Variants in HTR4 observed in about 807,000 individuals in gnomAD.
HTR4 encodes 5-hydroxytryptamine receptor 4, also known as 5-hydroxytryptamine (serotonin) receptor 4, G protein-coupled.
HTR4 carries 16 observed loss-of-function variants against 36.8 expected under a neutral mutation model. That is an observed-to-expected ratio of 0.43 (90% CI 0.29 to 0.66). HTR4 has a LOEUF of 0.66. HTR4 is among the 30% of genes least tolerant of loss of function. HTR4 has a pLI of 0.13. For missense variants in HTR4, 438 were observed against 490.9 expected, an observed-to-expected ratio of 0.89 and a Z score of 1.02; for synonymous variants, 189 against 185.1, an observed-to-expected ratio of 1.02 and a Z score of -0.17.
intron 6 of HTR4, among the ~76,000 whole-genome samples, chr5:148,504,711 T>G (rs976463349): frequency 4.6e-5 from 7 of 152,050 alleles, no homozygotes; most frequent in African/African-American, 1.7e-4. Flanking sequence ...AGGAGCTGGT[T>G]TTTTGAAAAG....
rs1261949528 is a variant in HTR4 at position 148,455,272 on chromosome 5, C to T, written c.1077-4000G>A. Among the ~76,000 whole-genome samples, 3 of 152,104 alleles carry T rather than the reference C, an allele frequency of 2.0e-5. No individual in the cohort carries two copies. In the East Asian group the frequency reaches 5.8e-4, roughly 29 times the overall value. On this transcript the variant is annotated intron_variant, in intron 5 of 5. Transcript: ENST00000521530. ...CTCAGAACACACTCCTGAACCTTTG[C>T]CCTGTTCTATGGCTAATAGATCACT...
intron 6 of HTR4, among the ~76,000 whole-genome samples, chr5:148,497,934 A>G (rs1269778283): frequency 1.3e-5 from 2 of 152,248 alleles, no homozygotes; most frequent in African/African-American, 2.4e-5. Flanking sequence ...TGGTGTCATC[A>G]TTCAACCAAA....
intron 4 of HTR4, among the ~76,000 whole-genome samples, chr5:148,528,808 C>T (rs997743199): frequency 3.3e-5 from 5 of 151,934 alleles, no homozygotes; most frequent in Admixed American, 2.0e-4. Context: ...ATTAAATTTG[C>T]AAGTTCTTTG....
chr5:148,650,664 A>AAC (rs1754008542), intron 1 of HTR4, among the ~76,000 whole-genome samples: 1 of 152,096 alleles, frequency 6.6e-6, no homozygotes, highest in African/African-American at 2.4e-5. Flanking sequence ...GGTATAATTC[A>AAC]CTGTTCCTTC....
At chr5:148,453,215 C>T (rs541796430) in intron 5 of HTR4, among the ~76,000 whole-genome samples, 1 of 152,256 alleles carries the variant, frequency 6.6e-6, no homozygotes, top group East Asian at 1.9e-4. Context: ...TACAGCAGCC[C>T]CTCAGAAACA....
At chr5:148,616,117 A>T (rs1752673474) in intron 2 of HTR4, among the ~76,000 whole-genome samples, 1 of 152,246 alleles carries the variant, frequency 6.6e-6, no homozygotes, top group African/African-American at 2.4e-5. Context: ...CATCTGCACG[A>T]AGGAGAAATA....
intron 2 of HTR4, among the ~76,000 whole-genome samples, chr5:148,556,478 T>A (rs1581472454): frequency 6.6e-6 from 1 of 152,296 alleles, no homozygotes; most frequent in African/African-American, 2.4e-5. Context: ...ATGTATTGAG[T>A]GCCAACTATA....
At chr5:148,597,991 T>C (rs1761846408) in intron 2 of HTR4, among the ~76,000 whole-genome samples, 1 of 152,226 alleles carries the variant, frequency 6.6e-6, no homozygotes, top group Non-Finnish European at 1.5e-5. Context: ...ACAATCAACA[T>C]TCTGAGCACG....
In HTR4 at chr5:148,481,595, T is replaced by G; in HGVS notation, c.*1608A>C. 9.9e-6 allele frequency: 15 copies of G among 1,515,504 alleles called. No individual in the cohort carries two copies. The highest frequency in any genetic ancestry group is 1.2e-5 in the Non-Finnish European group (14 of 1,141,918). 93.9% of individuals were successfully genotyped at this position (1,515,504 alleles called of 1,614,324 possible). A position where few individuals can be genotyped will look rare whatever the true frequency, so the allele number is the denominator to read the frequency against. The stretch of plus-strand genomic sequence containing the variant: ...GTTTGGTCAATCTTCTCTTCCTTAT[T>G]CCAAAGTTTCTTCCTGTCGGTTTCA... On this transcript the variant is annotated 3_prime_UTR_variant, in exon 7 of 7. Coordinates refer to ENST00000377888, the MANE Select transcript of HTR4 (RefSeq NM_000870.7).
intron 6 of HTR4, among the ~76,000 whole-genome samples, chr5:148,506,900 A>T (rs905929417): frequency 2.6e-5 from 4 of 152,208 alleles, no homozygotes; most frequent in African/African-American, 9.6e-5. Context: ...ATGTGGAGAA[A>T]TAGGAACACT....
At chr5:148,546,500 C>T (rs958733450) in intron 4 of HTR4, among the ~76,000 whole-genome samples, 1 of 152,190 alleles carries the variant, frequency 6.6e-6, no homozygotes, top group Non-Finnish European at 1.5e-5. Context: ...CATACCTACT[C>T]AGGAAAAGTT....
intron 2 of HTR4, among the ~76,000 whole-genome samples, chr5:148,551,348 T>C (rs1275274945): frequency 1.3e-5 from 2 of 152,222 alleles, no homozygotes; most frequent in Non-Finnish European, 2.9e-5. Flanking sequence ...AGCCAATAAA[T>C]AAGCTCAGTG....
Position 148,550,273 on chromosome 5 carries a change from C to T in HTR4, c.27-11G>A, listed in dbSNP as rs1410702175. ...AAACCCTCCTCAGAACTGAAAGACA[C>T]ACACAAGCACAAAGAATTGAATGAA... On this transcript the variant is annotated splice_polypyrimidine_tract_variant and intron_variant, in intron 2 of 6. Coordinates refer to ENST00000377888, the MANE Select transcript of HTR4 (RefSeq NM_000870.7). 27 of 1,613,452 alleles carry T rather than the reference C, an allele frequency of 1.7e-5. No homozygotes were observed. Among genetic ancestry groups the T allele is most frequent in the Non-Finnish European group, 2.3e-5 (27 of 1,179,774 alleles).
At chr5:148,632,988 C>G (rs1753378397) in intron 2 of HTR4, among the ~76,000 whole-genome samples, 1 of 152,054 alleles carries the variant, frequency 6.6e-6, no homozygotes, top group South Asian at 2.1e-4. Context: ...GCCAGTGTTT[C>G]CATTTTTCTT....
chr5:148,471,245 T>G (rs918401418), intron 5 of HTR4, among the ~76,000 whole-genome samples: 1 of 152,224 alleles, frequency 6.6e-6, no homozygotes, highest in Admixed American at 6.5e-5. Context: ...TGGAACAGAC[T>G]TGGGGGCTAG....
At chr5:148,562,319 G>T (rs1760252904) in intron 2 of HTR4, among the ~76,000 whole-genome samples, 1 of 152,084 alleles carries the variant, frequency 6.6e-6, no homozygotes, top group South Asian at 2.1e-4. Flanking sequence ...GAGATGTTTG[G>T]TCTAAAGAAG....
chr5:148,521,907 C>T (rs193025331), intron 5 of HTR4, among the ~76,000 whole-genome samples: 18 of 152,300 alleles, frequency 1.2e-4, no homozygotes, highest in Admixed American at 1.1e-3. Flanking sequence ...TTTTCTTCAG[C>T]TCCATGTCAG....
At position 148,559,707 on chromosome 5, in the gene HTR4, C is replaced by A. The variant is rs112237308; in HGVS notation, c.27-9445G>T. On this transcript the variant is annotated intron_variant, in intron 2 of 6. Coordinates refer to ENST00000377888, the MANE Select transcript of HTR4 (RefSeq NM_000870.7). The stretch of plus-strand genomic sequence containing the variant: ...TCAATGACTGCGAGCTAGCTTCCCC[C>A]TTTTTTAACCCTCTTACCTGCTTCC... 1.8e-3 allele frequency among the ~76,000 whole-genome samples: 277 copies of A among 152,110 alleles called. 1 individual carries two copies. Among genetic ancestry groups the A allele is most frequent in the Non-Finnish European group, 3.1e-3 (209 of 67,986 alleles).
chr5:148,538,264 C>T (rs371593836), intron 4 of HTR4, among the ~76,000 whole-genome samples: 3 of 152,232 alleles, frequency 2.0e-5, no homozygotes, highest in Admixed American at 2.0e-4. Flanking sequence ...ATGACAAACT[C>T]GCAGCCAACA....
Sources: allele counts gnomAD v4.1 joint callset (sites outside exome capture counted in the v4.1 genomes callset), GRCh38; gene constraint gnomAD v4.1.1; transcripts MANE v1.5; gene names NCBI Gene and HGNC (gene_info 2026-07-23, HGNC 2026-07-21).